NBPF9: variants seen among roughly 807,000 people sequenced by gnomAD.
The protein encoded by NBPF9 is NBPF family member NBPF9.
Under a neutral mutation model 97.8 loss-of-function variants are expected in NBPF9, and 91 were observed. That is an observed-to-expected ratio of 0.93 (90% CI 0.79 to 1.11). The LOEUF (loss-of-function observed/expected upper bound fraction) is 1.11. Ranked by LOEUF, NBPF9 falls within the 50% of genes least tolerant of loss-of-function variation. The pLI is 0.00. For missense variants in NBPF9, 992 were observed against 939.5 expected (o/e 1.06, Z -0.73); for synonymous variants, 334 against 359.5 (o/e 0.93, Z 0.80).
intron 5 of NBPF9, among the ~76,000 whole-genome samples, chr1:149,086,941 C>G (rs1465264992): frequency 6.6e-6 from 1 of 152,080 alleles, no homozygotes; most frequent in Non-Finnish European, 1.5e-5. Flanking sequence ...TTATGTTTAA[C>G]CTTTAAGAAA....
intron 5 of NBPF9, among the ~76,000 whole-genome samples, chr1:149,087,549 CTTTTA>C (rs1397080145): frequency 1.3e-5 from 2 of 148,588 alleles, no homozygotes; most frequent in Non-Finnish European, 3.0e-5. Context: ...CACCATTATT[CTTTTA>C]TAATATTGCT....
exon 1 of NBPF9, chr1:149,103,369 G>GCCTCGGCCCGCT (rs1553663779): frequency 2.0e-5 from 3 of 151,938 alleles, no homozygotes; most frequent in African/African-American, 7.3e-5. Context: ...GCGCCGCCGC[G>GCCTCGGCCCGCT]CCTCGGCCCG....
intron 16 of NBPF9, among the ~76,000 whole-genome samples, chr1:149,070,642 G>A (rs1468114781): frequency 6.6e-6 from 1 of 151,698 alleles, no homozygotes; most frequent in African/African-American, 2.4e-5. Flanking sequence ...AATCACAGAT[G>A]ACAAGAGATA....
At chr1:149,084,973 G>C (rs1398724193) in intron 5 of NBPF9, among the ~76,000 whole-genome samples, 1 of 151,922 alleles carries the variant, frequency 6.6e-6, no homozygotes, top group Non-Finnish European at 1.5e-5. Context: ...TCATCAACAA[G>C]TAATGTTATG....
chr1:149,053,539 C>T (rs4649666), downstream of NBPF9, among the ~76,000 whole-genome samples: 4,433 of 121,840 alleles, frequency 0.036, 2 homozygotes, highest in African/African-American at 0.11. Flanking sequence ...CAGCAAGTGA[C>T]GACTGTGACA....
intron 4 of NBPF9, among the ~76,000 whole-genome samples, chr1:149,097,418 G>T (rs1425167596): frequency 2.6e-5 from 4 of 152,162 alleles, no homozygotes; most frequent in Non-Finnish European, 5.9e-5. Flanking sequence ...TCTTGTCTTT[G>T]GATAAGTTCT....
At chr1:149,060,486 C>G in intron 24 of NBPF9, 37 bp downstream of exon 24, 1 of 287,274 alleles carries the variant, frequency 3.5e-6, no homozygotes, top group Non-Finnish European at 6.1e-6. Context: ...ATGGAAGACT[C>G]AGTGGATCCT....
chr1:149,088,061 G>C (rs1553659142), intron 5 of NBPF9, among the ~76,000 whole-genome samples: 1 of 151,976 alleles, frequency 6.6e-6, no homozygotes, highest in African/African-American at 2.4e-5. Context: ...TCCATCTCCT[G>C]ACCTCATGAT....
intron 5 of NBPF9, among the ~76,000 whole-genome samples, chr1:149,087,248 ATGTGTG>A (rs587652499): frequency 6.8e-6 from 1 of 147,080 alleles, no homozygotes; most frequent in African/African-American, 2.5e-5. Context: ...ATATATATAT[ATGTGTG>A]TGTGTGTGTG....
At chr1:149,072,491 C>G (rs1469360490) in intron 14 of NBPF9, among the ~76,000 whole-genome samples, 1 of 152,126 alleles carries the variant, frequency 6.6e-6, no homozygotes, top group African/African-American at 2.4e-5. Context: ...CCTCTTGCTC[C>G]AAAGACCACC....
intron 4 of NBPF9, among the ~76,000 whole-genome samples, chr1:149,097,437 A>G (rs1257810956): frequency 6.6e-6 from 1 of 152,158 alleles, no homozygotes; most frequent in Non-Finnish European, 1.5e-5. Flanking sequence ...CTGGTGCCCC[A>G]AAGAAAGAGA....
In NBPF9 at chr1:149,103,004, G is replaced by A. The variant is rs1168207872; in HGVS notation, c.-842-157C>T. Among the ~76,000 whole-genome samples, 772 of 151,806 alleles carry A rather than the reference G, an allele frequency of 5.1e-3. 7 individuals are homozygous for A. Among genetic ancestry groups the A allele is most frequent in the Non-Finnish European group, 7.6e-3 (514 of 67,830 alleles). On this transcript the variant is annotated intron_variant, in intron 1 of 29. Transcript: ENST00000584027. ...GGTCAGGGTCCTCCACAGGATACACGAGGACGTGCCCCCGAAGCTGCTCGT... is the reference window on the plus strand; with the variant it reads ...GGTCAGGGTCCTCCACAGGATACACAAGGACGTGCCCCCGAAGCTGCTCGT...
chr1:149,069,099 A>C (rs1553652386), intron 17 of NBPF9, among the ~76,000 whole-genome samples: 2 of 152,172 alleles, frequency 1.3e-5, no homozygotes, highest in East Asian at 3.9e-4. Context: ...AACATACCAG[A>C]ATCTCTGGGA....
chr1:149,094,924 G>A (rs2081641207), intron 4 of NBPF9, among the ~76,000 whole-genome samples: 1 of 147,526 alleles, frequency 6.8e-6, no homozygotes, highest in Admixed American at 6.6e-5. Context: ...GGGTAGCCTG[G>A]CTAGAACATT....
At chr1:149,095,368 TA>T (rs2081677214) in intron 4 of NBPF9, among the ~76,000 whole-genome samples, 1 of 140,888 alleles carries the variant, frequency 7.1e-6, no homozygotes, top group African/African-American at 2.6e-5. Context: ...TCCTAAGAGA[TA>T]AAATAGGAGA....
rs1402861344 is a variant in NBPF9, at chr1:149,064,960, G to A, written c.1802-478C>T. The A allele has an allele frequency of 1.7e-5, 9 of 532,530 alleles. No homozygotes were observed. The East Asian group carries it at 3.4e-4, about 20-fold the overall frequency. The allele number at this position is 532,530 out of a possible 1,614,324, so 33.0% of individuals were successfully genotyped here. A position where few individuals can be genotyped will look rare whatever the true frequency, so the allele number is the denominator to read the frequency against. On this transcript the variant is annotated intron_variant, in intron 18 of 29. Coordinates refer to ENST00000584027, the Ensembl canonical transcript of NBPF9. ...GCATCAGCTATTATGGCTTTTGTGGGTGAAAAGTCAGCCATTTATCTAGAA... is the reference window on the plus strand; with the variant it reads ...GCATCAGCTATTATGGCTTTTGTGGATGAAAAGTCAGCCATTTATCTAGAA...
chr1:149,084,641 C>T (rs1209485385), intron 5 of NBPF9, among the ~76,000 whole-genome samples: 6 of 151,258 alleles, frequency 4.0e-5, no homozygotes, highest in African/African-American at 1.2e-4. Flanking sequence ...GCGGACGGGA[C>T]CTGTTAGGAC....
In NBPF9 at chr1:149,061,474, G is replaced by A. The variant is rs1315527114; in HGVS notation, c.2252-91C>T. 4.4e-6 allele frequency: 2 copies of A among 456,970 alleles called. 1 individual carries two copies. Among genetic ancestry groups the A allele is most frequent in the Non-Finnish European group, 7.9e-6 (2 of 254,192 alleles). 28.3% of individuals were successfully genotyped at this position (456,970 alleles called of 1,614,324 possible). A position where few individuals can be genotyped will look rare whatever the true frequency, so the allele number is the denominator to read the frequency against. On this transcript the variant is annotated intron_variant, in intron 22 of 29. Coordinates refer to ENST00000584027, the Ensembl canonical transcript of NBPF9. ...GTCTAATCCCCACACAGGGATCTCA[G>A]GCTCCTCAGCATGAGCACAGGACAA... is the stretch of plus-strand genomic sequence containing the variant.
chr1:149,084,634 G>GA (rs1414717092), intron 5 of NBPF9, among the ~76,000 whole-genome samples: 1 of 151,204 alleles, frequency 6.6e-6, no homozygotes, highest in Non-Finnish European at 1.5e-5. Flanking sequence ...CCTCGTGGCG[G>GA]ACGGGACCTG....
Sources: gnomAD v4.1 joint callset for allele counts (sites outside exome capture counted in the v4.1 genomes callset) on GRCh38, gnomAD v4.1.1 for gene constraint, MANE v1.5 for transcripts, NCBI Gene and HGNC (gene_info 2026-07-23, HGNC 2026-07-21) for gene names.